ZNF407: variants seen among roughly 807,000 people sequenced by gnomAD.
ZNF407 encodes zinc finger protein 407.
A neutral mutation model predicts 131.2 loss-of-function variants in ZNF407; 17 were observed. The observed-to-expected ratio is 0.13, with a 90% CI of 0.09 to 0.19. The LOEUF is 0.19. ZNF407 is among the 10% of genes least tolerant of loss of function. The pLI is 1.00. For missense variants in ZNF407, 2,681 were observed against 2,830.6 expected, an observed-to-expected ratio of 0.95 and a Z score of 1.20; for synonymous variants, 1,156 against 1,062.0, an observed-to-expected ratio of 1.09 and a Z score of -1.72.
At chr18:74,948,259 T>C (rs993955704) in intron 8 of ZNF407, among the ~76,000 whole-genome samples, 3 of 152,242 alleles carry the variant, frequency 2.0e-5, no homozygotes, top group Non-Finnish European at 4.4e-5. Context: ...TTTTTCACTT[T>C]ATGTGCCATG....
At chr18:75,029,175 T>C (rs1472044390) in intron 8 of ZNF407, among the ~76,000 whole-genome samples, 1 of 152,214 alleles carries the variant, frequency 6.6e-6, no homozygotes, top group East Asian at 1.9e-4. Context: ...TCTGCTTGTT[T>C]GTTCATACAC....
chr18:74,819,172 G>A (rs1428982433), intron 4 of ZNF407, among the ~76,000 whole-genome samples: 27 of 151,918 alleles, frequency 1.8e-4, no homozygotes, highest in East Asian at 1.9e-4. Flanking sequence ...GGAAAAGGCC[G>A]GAAAAAAAAT....
intron 8 of ZNF407, among the ~76,000 whole-genome samples, chr18:75,004,436 G>A (rs577317598): frequency 1.4e-4 from 21 of 152,336 alleles, no homozygotes; most frequent in South Asian, 1.2e-3. Context: ...GGGGAGACAA[G>A]CCAGAGCAGG....
chr18:74,697,117 A>G (rs1967378066), intron 3 of ZNF407, among the ~76,000 whole-genome samples: 1 of 152,194 alleles, frequency 6.6e-6, no homozygotes, highest in South Asian at 2.1e-4. Flanking sequence ...ACTTACTGTA[A>G]TAATAACTTT....
chr18:74,680,782 T>TA (rs988386753), intron 3 of ZNF407, among the ~76,000 whole-genome samples: 2 of 151,964 alleles, frequency 1.3e-5, no homozygotes, highest in Non-Finnish European at 2.9e-5. Context: ...CCAGAACTAA[T>TA]AAAAAAAATT....
rs115858251 is a variant in ZNF407, at chr18:74,650,083, A to G, written c.4802+8961A>G. ...AGATGATAGAACATGGGCAATGTGA[A>G]TTATATCTAAAATCAGCTGGATTGT... On this transcript the variant is annotated intron_variant, in intron 3 of 8. Transcript: ENST00000299687. 6.4e-3 allele frequency among the ~76,000 whole-genome samples: 972 copies of G among 152,314 alleles called. 11 individuals are homozygous for G. Among genetic ancestry groups the G allele is most frequent in the African/African-American group, 0.022 (914 of 41,576 alleles).
intron 3 of ZNF407, among the ~76,000 whole-genome samples, chr18:74,701,788 G>T (rs529234738): frequency 6.6e-6 from 1 of 151,676 alleles, no homozygotes; most frequent in Non-Finnish European, 1.5e-5. Context: ...ATTTAGGCTC[G>T]CCCTGTCACC....
At chr18:74,757,482 A>C (rs898222140) in intron 3 of ZNF407, among the ~76,000 whole-genome samples, 1 of 152,020 alleles carries the variant, frequency 6.6e-6, no homozygotes, top group Admixed American at 6.6e-5. Flanking sequence ...TTTGACTTCT[A>C]ATTTTATTGT....
intron 1 of ZNF407, among the ~76,000 whole-genome samples, chr18:74,604,777 T>C (rs1280159163): frequency 1.3e-5 from 2 of 152,228 alleles, no homozygotes; most frequent in Non-Finnish European, 2.9e-5. Flanking sequence ...ATACATCATG[T>C]AATCCCCCCA....
At chr18:74,881,262 G>A in intron 6 of ZNF407, 143 bp downstream of exon 6, 2 of 652,958 alleles carry the variant, frequency 3.1e-6, no homozygotes, top group South Asian at 2.5e-5. Flanking sequence ...AATTCCAGTT[G>A]AATAACATAA....
chr18:74,956,125 T>G (rs1972272560), intron 8 of ZNF407, among the ~76,000 whole-genome samples: 2 of 152,186 alleles, frequency 1.3e-5, no homozygotes. Context: ...AAACTTCAGG[T>G]CAAAAATGAA....
At chr18:74,629,141 C>G (rs187847287) in intron 1 of ZNF407, among the ~76,000 whole-genome samples, 40 of 152,326 alleles carry the variant, frequency 2.6e-4, no homozygotes, top group Admixed American at 2.4e-3. Flanking sequence ...AGACTGTTTT[C>G]CAAAGTGGCT....
rs768363858 is a variant in ZNF407 at position 75,020,340 on chromosome 18, GTA to G, written c.5429-42799_5429-42798del. On this transcript the variant is annotated intron_variant, in intron 8 of 8. Coordinates refer to ENST00000299687, the MANE Select transcript of ZNF407 (RefSeq NM_017757.3). ...CATGTGTGTGTGTGTGTGTGTGTGT[GTA>G]TATATATATAGGATCTGGTACTATC... Among the ~76,000 whole-genome samples, 353 of 127,836 alleles carry G rather than the reference GTA, an allele frequency of 2.8e-3. 5 individuals are homozygous for G. The highest frequency in any genetic ancestry group is 8.3e-3 in the African/African-American group (286 of 34,582). 83.9% of individuals were successfully genotyped at this position (127,836 alleles called of 152,430 possible). A position where few individuals can be genotyped will look rare whatever the true frequency, so the allele number is the denominator to read the frequency against.
intron 8 of ZNF407, among the ~76,000 whole-genome samples, chr18:75,005,118 TC>T (rs1972892969): frequency 6.6e-6 from 1 of 152,156 alleles, no homozygotes; most frequent in African/African-American, 2.4e-5. Context: ...AAAATAAACT[TC>T]TATTATGGAA....
At chr18:75,038,031 G>A (rs562098995) in intron 8 of ZNF407, among the ~76,000 whole-genome samples, 86 of 152,184 alleles carry the variant, frequency 5.7e-4, no homozygotes, top group African/African-American at 2.0e-3. Flanking sequence ...AAATCATAAC[G>A]TGAAGACTAA....
At chr18:74,979,701 G>T (rs183757868) in intron 8 of ZNF407, among the ~76,000 whole-genome samples, 2 of 152,108 alleles carry the variant, frequency 1.3e-5, no homozygotes, top group African/African-American at 4.8e-5. Flanking sequence ...GATTTATGAA[G>T]AACTGAAATA....
intron 4 of ZNF407, among the ~76,000 whole-genome samples, chr18:74,859,087 A>G (rs1970900896): frequency 1.3e-5 from 2 of 152,366 alleles, no homozygotes; most frequent in South Asian, 4.1e-4. Flanking sequence ...AGTGTGGTAC[A>G]TAATAAAATA....
At chr18:75,047,792 A>G (rs1489819224) in intron 8 of ZNF407, among the ~76,000 whole-genome samples, 1 of 152,244 alleles carries the variant, frequency 6.6e-6, no homozygotes, top group African/African-American at 2.4e-5. Context: ...CCCTTTGGCA[A>G]TTCTGCTTTG....
At chr18:74,871,267 A>G (rs1207957528) in intron 4 of ZNF407, among the ~76,000 whole-genome samples, 2 of 152,330 alleles carry the variant, frequency 1.3e-5, no homozygotes, top group East Asian at 3.9e-4. Context: ...CCTTCTAGGC[A>G]AAGACCACTT....
Sources: gnomAD v4.1 joint callset for allele counts (sites outside exome capture counted in the v4.1 genomes callset) on GRCh38, gnomAD v4.1.1 for gene constraint, MANE v1.5 for transcripts, NCBI Gene and HGNC (gene_info 2026-07-23, HGNC 2026-07-21) for gene names.